Variants in ITFG1 observed in about 807,000 individuals in gnomAD.
The protein encoded by ITFG1 is integrin alpha FG-GAP repeat containing 1, also known as T-cell immunomodulatory protein.
Under a neutral mutation model 81.8 loss-of-function variants are expected in ITFG1, and 34 were observed. That is an observed-to-expected ratio of 0.42 (90% CI 0.32 to 0.55). ITFG1 has a LOEUF of 0.55. Ranked by LOEUF, ITFG1 falls within the 20% of genes least tolerant of loss-of-function variation. ITFG1 has a pLI of 0.17. For missense variants in ITFG1, 672 were observed against 755.4 expected (o/e 0.89, Z 1.29); for synonymous variants, 285 against 270.6 (o/e 1.05, Z -0.52).
At chr16:47,180,581 C>T (rs1261178589) in intron 14 of ITFG1, among the ~76,000 whole-genome samples, 6 of 152,158 alleles carry the variant, frequency 3.9e-5, no homozygotes, top group South Asian at 2.1e-4. Context: ...GATGGGGTTT[C>T]GCTGTGTTGG....
At chr16:47,377,127 C>G (rs964591182) in intron 6 of ITFG1, among the ~76,000 whole-genome samples, 8 of 151,768 alleles carry the variant, frequency 5.3e-5, no homozygotes, top group African/African-American at 1.7e-4. Flanking sequence ...TTTGATGAAG[C>G]TAATTTATCT....
intron 8 of ITFG1, among the ~76,000 whole-genome samples, chr16:47,319,304 T>C (rs1173459397): frequency 6.6e-6 from 1 of 152,318 alleles, no homozygotes; most frequent in East Asian, 1.9e-4. Flanking sequence ...GCTTGAAAGC[T>C]CAAATTTTAT....
intron 8 of ITFG1, among the ~76,000 whole-genome samples, chr16:47,347,065 G>C (rs1022050663): frequency 6.6e-6 from 1 of 152,168 alleles, no homozygotes. Context: ...CGATTGGGGC[G>C]GTTCCAAGAT....
chr16:47,184,578 TGAGA>T (rs1246282246), intron 14 of ITFG1, among the ~76,000 whole-genome samples: 1 of 151,948 alleles, frequency 6.6e-6, no homozygotes, highest in Non-Finnish European at 1.5e-5. Context: ...AAGCAAATGC[TGAGA>T]GATTTTGTCA....
At chr16:47,325,620 A>C (rs867218745) in intron 8 of ITFG1, among the ~76,000 whole-genome samples, 1 of 152,198 alleles carries the variant, frequency 6.6e-6, no homozygotes, top group South Asian at 2.1e-4. Flanking sequence ...AAATAGACAC[A>C]ATAAAAAATG....
intron 10 of ITFG1, among the ~76,000 whole-genome samples, chr16:47,285,600 C>T (rs1966866766): frequency 6.6e-6 from 1 of 152,114 alleles, no homozygotes; most frequent in South Asian, 2.1e-4. Context: ...ACACTATCTC[C>T]AGGAGTGTTG....
intron 6 of ITFG1, among the ~76,000 whole-genome samples, chr16:47,410,799 G>A (rs917098998): frequency 1.2e-4 from 19 of 152,230 alleles, no homozygotes; most frequent in African/African-American, 4.1e-4. Flanking sequence ...CAGAGACAGA[G>A]ATTGAGCCTG....
At chr16:47,437,464 T>C (rs1306266784) in intron 5 of ITFG1, among the ~76,000 whole-genome samples, 1 of 141,346 alleles carries the variant, frequency 7.1e-6, no homozygotes, top group Non-Finnish European at 1.5e-5. Flanking sequence ...TGAGAGTCCA[T>C]CTCCTGAAAA....
At chr16:47,260,740 CTG>C (rs1966201048) in intron 10 of ITFG1, 45 bp from the exon 11 acceptor site, 1 of 1,595,220 alleles carries the variant, frequency 6.3e-7, no homozygotes, top group Non-Finnish European at 8.6e-7. Context: ...AACATCAACA[CTG>C]TGGCATCGGC....
At chr16:47,406,144 T>C (rs1322549529) in intron 6 of ITFG1, among the ~76,000 whole-genome samples, 1 of 152,248 alleles carries the variant, frequency 6.6e-6, no homozygotes, top group Non-Finnish European at 1.5e-5. Flanking sequence ...AAAGATCAAC[T>C]ATTTTTTAGA....
At chr16:47,163,906 A>G (rs1313476724) in intron 14 of ITFG1, among the ~76,000 whole-genome samples, 1 of 141,826 alleles carries the variant, frequency 7.1e-6, no homozygotes, top group African/African-American at 2.6e-5. Context: ...ACGTGAAAGA[A>G]GCTCAACTAC....
intron 6 of ITFG1, among the ~76,000 whole-genome samples, chr16:47,401,616 A>C (rs1968662615): frequency 6.6e-6 from 1 of 152,228 alleles, no homozygotes. Context: ...AGGTGTGTCC[A>C]TGGGACTGGG....
At position 47,349,189 on chromosome 16, in the gene ITFG1, T is replaced by G. The variant is rs892838131; in HGVS notation, c.802+16599A>C. Among the ~76,000 whole-genome samples the G allele has an allele frequency of 3.9e-5, 6 of 152,244 alleles. No homozygotes were observed. The East Asian group carries it at 7.7e-4, about 20-fold the overall frequency. On this transcript the variant is annotated intron_variant, in intron 8 of 17. Coordinates refer to ENST00000320640, the MANE Select transcript of ITFG1 (RefSeq NM_030790.5). Reference sequence around the variant, plus strand: ...GTTACCAGCTAACATCATAATGACATGATCAAATTCACACATAACAATATT... The same window carrying G: ...GTTACCAGCTAACATCATAATGACAGGATCAAATTCACACATAACAATATT...
At chr16:47,272,597 T>C (rs1051862690) in intron 10 of ITFG1, among the ~76,000 whole-genome samples, 6 of 152,116 alleles carry the variant, frequency 3.9e-5, no homozygotes, top group African/African-American at 1.4e-4. Flanking sequence ...GGTTTCACCA[T>C]GTTGGCCAGG....
At chr16:47,263,983 C>G (rs1966243931) in intron 10 of ITFG1, among the ~76,000 whole-genome samples, 1 of 152,074 alleles carries the variant, frequency 6.6e-6, no homozygotes, top group South Asian at 2.1e-4. Flanking sequence ...GAACCTTTAC[C>G]CATTTGGTTT....
intron 10 of ITFG1, among the ~76,000 whole-genome samples, chr16:47,273,493 G>A (rs1180721528): frequency 1.3e-5 from 2 of 152,110 alleles, no homozygotes; most frequent in African/African-American, 4.8e-5. Context: ...CTGACAACAA[G>A]AAATAGTCAA....
rs545326273 is a variant in ITFG1 at position 47,228,774 on chromosome 16, C to G, written c.1374+9191G>C. 2.0e-5 allele frequency among the ~76,000 whole-genome samples: 3 copies of G among 152,310 alleles called. No individual in the cohort carries two copies. In the South Asian group the frequency reaches 6.2e-4, roughly 32 times the overall value. ...TGAAAAGATTAAAAAGTTAAGTCAC[C>G]TTGTTCTGTTGCATATATTAAAAAT... On this transcript the variant is annotated intron_variant, in intron 13 of 17. Transcript: ENST00000320640.
chr16:47,245,922 CTA>C (rs1470321778), intron 12 of ITFG1, among the ~76,000 whole-genome samples: 1 of 151,786 alleles, frequency 6.6e-6, no homozygotes, highest in Non-Finnish European at 1.5e-5. Flanking sequence ...TTTTGCAAGA[CTA>C]TGTGGCCACT....
chr16:47,174,731 G>T (rs1375661184), intron 14 of ITFG1, among the ~76,000 whole-genome samples: 1 of 152,130 alleles, frequency 6.6e-6, no homozygotes, highest in Non-Finnish European at 1.5e-5. Flanking sequence ...TGTTGGCCAG[G>T]CTGGTCTCGA....
Sources: allele counts gnomAD v4.1 joint callset (sites outside exome capture counted in the v4.1 genomes callset), GRCh38; gene constraint gnomAD v4.1.1; transcripts MANE v1.5; gene names NCBI Gene and HGNC (gene_info 2026-07-23, HGNC 2026-07-21).